Variants in SCN2B observed in about 807,000 individuals in gnomAD.
SCN2B encodes sodium channel regulatory subunit beta-2.
SCN2B carries 14 observed loss-of-function variants against 18.2 expected under a neutral mutation model. The observed-to-expected ratio is 0.77, with a 90% CI of 0.51 to 1.21. SCN2B has a LOEUF of 1.21. Ranked by LOEUF, SCN2B falls within the 50% of genes most tolerant of loss-of-function variation. The probability of loss-of-function intolerance (pLI) is 0.00; values close to 1 mark genes in which losing one functional copy is unlikely to be tolerated. For synonymous variants in SCN2B, 115 were observed against 115.3 expected (o/e 1.00, Z 0.02); for missense variants, 262 against 286.9 (o/e 0.91, Z 0.63).
In SCN2B at chr11:118,168,978, C is replaced by T. The variant is rs1016738067; in HGVS notation, c.71-227G>A. On this transcript the variant is annotated intron_variant, in intron 1 of 3. Coordinates refer to ENST00000278947, the MANE Select transcript of SCN2B (RefSeq NM_004588.5). This position sits in a 1 kb window ranked among gnomAD's most constrained non-coding sequence, Gnocchi z 4.7. Reference sequence around the variant, plus strand: ...TGGCGCAATCATGACTCACTGCAGCCTAGACCTGCTGGGCTCAGGTGATCC... The same window carrying T: ...TGGCGCAATCATGACTCACTGCAGCTTAGACCTGCTGGGCTCAGGTGATCC... 1.3e-5 allele frequency among the ~76,000 whole-genome samples: 2 copies of T among 152,132 alleles called. No individual in the cohort carries two copies. The highest frequency in any genetic ancestry group is 2.9e-5 in the Non-Finnish European group (2 of 68,008).
At chr11:118,172,780 CTA>C (rs1310153748) in intron 1 of SCN2B, among the ~76,000 whole-genome samples, 3 of 152,194 alleles carry the variant, frequency 2.0e-5, no homozygotes, top group Non-Finnish European at 2.9e-5. Flanking sequence ...CTTGCAGAGA[CTA>C]TAAAAATTTG....
In SCN2B at chr11:118,163,081, G is replaced by T. The variant is rs1948345134; in HGVS notation, c.*3806C>A. The T allele has an allele frequency of 6.6e-6, 1 of 152,616 alleles. No individual in the cohort carries two copies. Among genetic ancestry groups the T allele is most frequent in the South Asian group, 2.1e-4 (1 of 4,836 alleles). The allele number at this position is 152,616 out of a possible 1,614,324, so 9.5% of individuals were successfully genotyped here. On this transcript the variant is annotated 3_prime_UTR_variant, in exon 4 of 4. Coordinates refer to ENST00000278947, the MANE Select transcript of SCN2B (RefSeq NM_004588.5). ...GTGAATCAACTCAAAACACTGAGAAGTTATTACACCTCCCCACACACACAC... is the reference window on the plus strand; with the variant it reads ...GTGAATCAACTCAAAACACTGAGAATTTATTACACCTCCCCACACACACAC...
intron 1 of SCN2B, among the ~76,000 whole-genome samples, chr11:118,169,241 G>C (rs1039721563): frequency 1.3e-5 from 2 of 152,108 alleles, no homozygotes; most frequent in Non-Finnish European, 2.9e-5. Flanking sequence ...CAGCCAAACG[G>C]CCTCAAGCCT....
intron 3 of SCN2B, among the ~76,000 whole-genome samples, chr11:118,167,503 T>C (rs548576976): frequency 2.1e-4 from 32 of 152,348 alleles, no homozygotes; most frequent in African/African-American, 6.7e-4. Flanking sequence ...GCCCTATGAC[T>C]GAGACATAGA....
In SCN2B at chr11:118,171,764, G is replaced by C. The variant is rs189823435; in HGVS notation, c.71-3013C>G. ...GGGCTCCCCCTCCCCACCCTGCAGCGGGGCCCTGCAGAAGGTACCGGGCGG... is the reference window on the plus strand; with the variant it reads ...GGGCTCCCCCTCCCCACCCTGCAGCCGGGCCCTGCAGAAGGTACCGGGCGG... On this transcript the variant is annotated intron_variant, in intron 1 of 3. Transcript: ENST00000278947. Among the ~76,000 whole-genome samples the C allele has an allele frequency of 3.9e-3, 594 of 152,326 alleles. 4 individuals are homozygous for C. Among genetic ancestry groups the C allele is most frequent in the African/African-American group, 0.013 (561 of 41,576 alleles).
At position 118,166,368 on chromosome 11, in the gene SCN2B, C is replaced by G. The variant is rs2135517113; in HGVS notation, c.*519G>C. On this transcript the variant is annotated 3_prime_UTR_variant, in exon 4 of 4. Coordinates refer to ENST00000278947, the MANE Select transcript of SCN2B (RefSeq NM_004588.5). The stretch of plus-strand genomic sequence containing the variant: ...ACAGTCATCCCTTTAACATGCCCCT[C>G]CAAGTTTCAGGAACTCATCGTCACC... 1 of 176,538 alleles carries G rather than the reference C, an allele frequency of 5.7e-6. No homozygotes were observed. The highest frequency in any genetic ancestry group is 1.3e-4 in the South Asian group (1 of 7,716). 10.9% of individuals were successfully genotyped at this position (176,538 alleles called of 1,614,324 possible). A position where few individuals can be genotyped will look rare whatever the true frequency, so the allele number is the denominator to read the frequency against.
chr11:118,164,731 A>T lies in SCN2B; in HGVS notation c.*2156T>A, dbSNP rs1376858665. On this transcript the variant is annotated 3_prime_UTR_variant, in exon 4 of 4. Coordinates refer to ENST00000278947, the MANE Select transcript of SCN2B (RefSeq NM_004588.5). ...GTTAATCTTGGTCCCTACAGTGCCAACCTGGCAGTCCCCAGTGCTTATGGC... is the reference window on the plus strand; with the variant it reads ...GTTAATCTTGGTCCCTACAGTGCCATCCTGGCAGTCCCCAGTGCTTATGGC... 1 of 152,668 alleles carries T rather than the reference A, an allele frequency of 6.6e-6. No individual in the cohort carries two copies. Among genetic ancestry groups the T allele is most frequent in the Non-Finnish European group, 1.5e-5 (1 of 68,070 alleles). The allele number at this position is 152,668 out of a possible 1,614,324, so 9.5% of individuals were successfully genotyped here.
Position 118,176,249 on chromosome 11 carries a change from GAC to G in SCN2B, c.70+111_70+112del, listed in dbSNP as rs1467819894. On this transcript the variant is annotated intron_variant, in intron 1 of 3. Transcript: ENST00000278947. ...AGTCCCCAGCACCTCCCCTCCCAAG[GAC>G]ACAGAGGGAAAGCGCTAGCAATGTC... 28 of 1,013,508 alleles carry G rather than the reference GAC, an allele frequency of 2.8e-5. No individual in the cohort carries two copies. In the East Asian group the frequency reaches 6.6e-4, roughly 24 times the overall value. The allele number at this position is 1,013,508 out of a possible 1,614,324, so 62.8% of individuals were successfully genotyped here. A position where few individuals can be genotyped will look rare whatever the true frequency, so the allele number is the denominator to read the frequency against.
At chr11:118,173,146 G>A (rs539127846) in intron 1 of SCN2B, among the ~76,000 whole-genome samples, 1 of 152,144 alleles carries the variant, frequency 6.6e-6, no homozygotes, top group South Asian at 2.1e-4. Context: ...TCAAGTCCAG[G>A]CTCCTGGGCA....
At position 118,164,937 on chromosome 11, in the gene SCN2B, C is replaced by T. The variant is rs1459888059; in HGVS notation, c.*1950G>A. 2.0e-5 allele frequency: 3 copies of T among 152,738 alleles called. No individual in the cohort carries two copies. In the East Asian group the frequency reaches 5.8e-4, roughly 29 times the overall value. The allele number at this position is 152,738 out of a possible 1,614,324, so 9.5% of individuals were successfully genotyped here. A position where few individuals can be genotyped will look rare whatever the true frequency, so the allele number is the denominator to read the frequency against. ...TGAGACTGTCACGGTCCTGTCTCCA[C>T]CCCCTTTCCTAGACTTATTCCCTAC... is the stretch of plus-strand genomic sequence containing the variant. On this transcript the variant is annotated 3_prime_UTR_variant, in exon 4 of 4. Transcript: ENST00000278947.
At chr11:118,169,777 G>A (rs1448092229) in intron 1 of SCN2B, among the ~76,000 whole-genome samples, 1 of 152,162 alleles carries the variant, frequency 6.6e-6, no homozygotes, top group Non-Finnish European at 1.5e-5. Context: ...ACTGAGGCCA[G>A]GAGACTTTGG....
At position 118,166,957 on chromosome 11, in the gene SCN2B, G is replaced by C. The variant is rs115353159; in HGVS notation, c.578C>G (p.Thr193Arg). 352 of 1,614,056 alleles carry C rather than the reference G, an allele frequency of 2.2e-4. No homozygotes were observed. The highest frequency in any genetic ancestry group is 2.9e-4 in the Non-Finnish European group (345 of 1,180,042). Residue 193 changes from threonine to arginine, a missense_variant, in exon 4 of 4, where the codon ACA becomes AGA. Coordinates refer to ENST00000278947, the MANE Select transcript of SCN2B (RefSeq NM_004588.5). ...VRRKKEQKLS[T>R]DDLKTEEEGK... Reference sequence around the variant, plus strand: ...CTCCTCCTCGGTCTTCAGGTCATCTGTGCTCAGCTTCTGCTCTTTTTTTCT... The same window carrying C: ...CTCCTCCTCGGTCTTCAGGTCATCTCTGCTCAGCTTCTGCTCTTTTTTTCT...
chr11:118,172,978 C>T (rs534956443), intron 1 of SCN2B, among the ~76,000 whole-genome samples: 54 of 151,878 alleles, frequency 3.6e-4, no homozygotes, highest in South Asian at 3.5e-3. Context: ...GCATCCAGCC[C>T]GTATCTCCGC....
In SCN2B at chr11:118,166,708, A is replaced by G. The variant is rs1948384932; in HGVS notation, c.*179T>C. 2 of 693,796 alleles carry G rather than the reference A, an allele frequency of 2.9e-6. No homozygotes were observed. 43.0% of individuals were successfully genotyped at this position (693,796 alleles called of 1,614,324 possible). ...GAGCATGGCAGGTTTCTCGGATGGA[A>G]GAGAGTGGGTCACTCTTGGTGCAGG... is the stretch of plus-strand genomic sequence containing the variant. On this transcript the variant is annotated 3_prime_UTR_variant, in exon 4 of 4. Coordinates refer to ENST00000278947, the MANE Select transcript of SCN2B (RefSeq NM_004588.5).
Position 118,166,854 on chromosome 11 carries a change from C to T in SCN2B, c.*33G>A, listed in dbSNP as rs202025244. ...TGTACAGGGCGGAGAGGGGAGGAGA[C>T]GGGACACGGGAGGCTGCAGGGCCGG... On this transcript the variant is annotated 3_prime_UTR_variant, in exon 4 of 4. Transcript: ENST00000278947. 1.8e-5 allele frequency: 29 copies of T among 1,612,116 alleles called. No homozygotes were observed. In the East Asian group the frequency reaches 2.7e-4, roughly 15 times the overall value.
At chr11:118,170,373 A>AGT (rs975622756) in intron 1 of SCN2B, among the ~76,000 whole-genome samples, 4 of 152,126 alleles carry the variant, frequency 2.6e-5, no homozygotes, top group Admixed American at 6.6e-5. Context: ...TTCCCAGGCA[A>AGT]GTGTACTCCC....
Position 118,168,084 on chromosome 11 carries a change from C to A in SCN2B, c.448+1G>T. 6.2e-7 allele frequency: 1 copy of A among 1,613,422 alleles called. No homozygotes were observed. Among genetic ancestry groups the A allele is most frequent in the Non-Finnish European group, 8.5e-7 (1 of 1,179,666 alleles). On this transcript the variant is annotated splice_donor_variant, in intron 3 of 3. Coordinates refer to ENST00000278947, the MANE Select transcript of SCN2B (RefSeq NM_004588.5). LOFTEE classifies it high-confidence loss of function. This position sits in a 1 kb window ranked among gnomAD's most constrained non-coding sequence, Gnocchi z 4.7. ...CCCGCAGCTGGCACCCCAGCCTTCA[C>A]CTTCCATGAGGACCTGCAGATGGAT...
rs1437014148 is a variant in SCN2B, at chr11:118,168,307, G to T, written c.238-12C>A. 1.2e-6 allele frequency: 2 copies of T among 1,612,104 alleles called. No homozygotes were observed. Among genetic ancestry groups the T allele is most frequent in the African/African-American group, 2.7e-5 (2 of 74,902 alleles). On this transcript the variant is annotated splice_polypyrimidine_tract_variant and intron_variant, in intron 2 of 3. Transcript: ENST00000278947. The surrounding 1 kb of genome is among the most constrained non-coding windows in gnomAD (Gnocchi z 4.7). ...CGGAACTGGAGGAACTGGGGTTGGAGCAAGGGACAGGATGGGTGGCTGGAT... is the reference window on the plus strand; with the variant it reads ...CGGAACTGGAGGAACTGGGGTTGGATCAAGGGACAGGATGGGTGGCTGGAT...
rs1948381224 is a variant in SCN2B, at chr11:118,166,258, A to G, written c.*629T>C. 1 of 160,476 alleles carries G rather than the reference A, an allele frequency of 6.2e-6. No homozygotes were observed. The allele number at this position is 160,476 out of a possible 1,614,324, so 9.9% of individuals were successfully genotyped here. On this transcript the variant is annotated 3_prime_UTR_variant, in exon 4 of 4. Coordinates refer to ENST00000278947, the MANE Select transcript of SCN2B (RefSeq NM_004588.5). Reference sequence around the variant, plus strand: ...CCCAAGGAGGCCACTAGCAATGGAAACGAGGGCCCAACATGGCCTCCTGGG... The same window carrying G: ...CCCAAGGAGGCCACTAGCAATGGAAGCGAGGGCCCAACATGGCCTCCTGGG...
Sources: allele counts gnomAD v4.1 joint callset (sites outside exome capture counted in the v4.1 genomes callset), GRCh38; gene constraint gnomAD v4.1.1; non-coding constraint Gnocchi (gnomAD v3.1); transcripts MANE v1.5; gene names NCBI Gene and HGNC (gene_info 2026-07-23, HGNC 2026-07-21).